MYBPH: variants seen among roughly 807,000 people sequenced by gnomAD.
MYBPH encodes myosin-binding protein H.
In MYBPH, 49 loss-of-function variants were observed where a neutral mutation model predicts 53.6. That is an observed-to-expected ratio of 0.91 (90% CI 0.73 to 1.16). The LOEUF (loss-of-function observed/expected upper bound fraction) is 1.16. Ranked by LOEUF, MYBPH falls within the 50% of genes most tolerant of loss-of-function variation. The pLI, the probability that MYBPH is intolerant of heterozygous loss-of-function variation, is 0.00. For synonymous variants in MYBPH, 239 were observed against 249.6 expected (o/e 0.96, Z 0.40); for missense variants, 558 against 624.1 (o/e 0.89, Z 1.13).
chr1:203,176,060 A>T (rs1368282274), upstream of MYBPH, among the ~76,000 whole-genome samples: 1 of 152,174 alleles, frequency 6.6e-6, no homozygotes, highest in Admixed American at 6.5e-5. Context: ...GGGAGGGCGC[A>T]GATGGGTGAG....
At chr1:203,176,048 G>T (rs184316324), upstream of MYBPH, among the ~76,000 whole-genome samples, 3 of 152,160 alleles carry the variant, frequency 2.0e-5, no homozygotes, top group Non-Finnish European at 4.4e-5. Flanking sequence ...GTGCCCAGCT[G>T]GGGGAGGGCG....
rs569892785 is a variant in MYBPH, at chr1:203,175,108, T to C, written c.340+219A>G. On this transcript the variant is annotated intron_variant, in intron 2 of 10. Coordinates refer to ENST00000255416, the MANE Select transcript of MYBPH (RefSeq NM_004997.3). ...CCCTTACTCAGAAGCTCCTTGGAGC[T>C]GAGGACAAGGGAGCCCCTCAACCCA... Among the ~76,000 whole-genome samples the C allele has an allele frequency of 4.6e-5, 7 of 151,796 alleles. No homozygotes were observed. The East Asian group carries it at 1.4e-3, about 30-fold the overall frequency.
In MYBPH at chr1:203,175,699, A is replaced by G; in HGVS notation, c.57T>C (p.Ser19=). ...GPACSPEETA[S]ESAKVPTAEP... Reference sequence around the variant, plus strand: ...CTGCTGTGGGCACCTTGGCAGATTCAGATGCGGTCTCCTCTGGACTGCAGG... The same window carrying G: ...CTGCTGTGGGCACCTTGGCAGATTCGGATGCGGTCTCCTCTGGACTGCAGG... Residue 19 remains serine (S), a synonymous_variant, in exon 1 of 11, where the codon TCT becomes TCC. Coordinates refer to ENST00000255416, the MANE Select transcript of MYBPH (RefSeq NM_004997.3). 6.2e-7 allele frequency: 1 copy of G among 1,613,992 alleles called. No individual in the cohort carries two copies. The highest frequency in any genetic ancestry group is 8.5e-7 in the Non-Finnish European group (1 of 1,179,990).
upstream of MYBPH, among the ~76,000 whole-genome samples, chr1:203,178,355 T>C (rs953834626): frequency 1.8e-4 from 27 of 152,348 alleles, no homozygotes; most frequent in African/African-American, 6.0e-4. Flanking sequence ...ACTAGGACTA[T>C]TGACAGATTT....
intron 3 of MYBPH, among the ~76,000 whole-genome samples, chr1:203,174,137 CTT>C (rs927395629): frequency 5.3e-5 from 8 of 152,208 alleles, no homozygotes; most frequent in Non-Finnish European, 1.0e-4. Context: ...CAGATGGACT[CTT>C]AGCATTGAGC....
chr1:203,175,741 G>A lies in MYBPH; in HGVS notation c.15C>T (p.Asn5=). 2 of 1,613,918 alleles carry A rather than the reference G, an allele frequency of 1.2e-6. No homozygotes were observed. The highest frequency in any genetic ancestry group is 2.2e-5 in the South Asian group (2 of 91,070). Residue 5 remains asparagine, a synonymous_variant, in exon 1 of 11, where the codon AAC becomes AAT. Coordinates refer to ENST00000255416, the MANE Select transcript of MYBPH (RefSeq NM_004997.3). ...GACTGCAGGCAGGGCCCTCGGAGGT[G>A]TTTTTTTCCATCATTGCTGGACTGG... MMEK[N]TSEGPACSPE...
At chr1:203,169,843 G>A (rs1655662595) in intron 7 of MYBPH, among the ~76,000 whole-genome samples, 1 of 152,172 alleles carries the variant, frequency 6.6e-6, no homozygotes, top group Admixed American at 6.5e-5. Context: ...GACGCAAGAA[G>A]GTCAGGTGCC....
rs201594264 is a variant in MYBPH, at chr1:203,171,049, A to G, written c.933+12T>C. On this transcript the variant is annotated intron_variant, in intron 6 of 10. Coordinates refer to ENST00000255416, the MANE Select transcript of MYBPH (RefSeq NM_004997.3). The surrounding 1 kb of genome is among the most constrained non-coding windows in gnomAD (Gnocchi z 4.2). ...TCGTACCCCGACCCCACTTTGCCTCAGCCAGCCTCACCCCTGTCTTTTTGT... is the reference window on the plus strand; with the variant it reads ...TCGTACCCCGACCCCACTTTGCCTCGGCCAGCCTCACCCCTGTCTTTTTGT... 3.9e-5 allele frequency: 62 copies of G among 1,570,314 alleles called. No homozygotes were observed. Among genetic ancestry groups the G allele is most frequent in the Middle Eastern group, 3.4e-4 (2 of 5,840 alleles).
At position 203,170,303 on chromosome 1, in the gene MYBPH, T is replaced by G. The variant is rs1377502640; in HGVS notation, c.1081A>C (p.Ile361Leu). Reference sequence around the variant, plus strand: ...GGCCCAAACCCACCTGCCTTCTGGATGTGGGCGAGCTCCTTGGTGACGGTG... The same window carrying G: ...GGCCCAAACCCACCTGCCTTCTGGAGGTGGGCGAGCTCCTTGGTGACGGTG... ...SATVTKELAH[I>L]QKADIAAKPK... The change falls in exon 7 of 11, where the codon ATC becomes CTC. Residue 361 changes from isoleucine to leucine, a missense_variant. Physicochemically the swap from Ile to Leu is conservative, Grantham distance 5. Transcript: ENST00000255416. 1.2e-6 allele frequency: 2 copies of G among 1,613,910 alleles called. No individual in the cohort carries two copies. Among genetic ancestry groups the G allele is most frequent in the East Asian group, 4.5e-5 (2 of 44,888 alleles).
At chr1:203,172,306 G>A (rs1655716496) in intron 3 of MYBPH, among the ~76,000 whole-genome samples, 1 of 152,110 alleles carries the variant, frequency 6.6e-6, no homozygotes, top group Non-Finnish European at 1.5e-5. Flanking sequence ...CACTCCCTTG[G>A]CGCCTCGACT....
intron 6 of MYBPH, 132 bp from the exon 7 acceptor site, chr1:203,170,582 C>T: frequency 2.5e-6 from 3 of 1,210,714 alleles, no homozygotes; most frequent in Non-Finnish European, 3.4e-6. Context: ...CAGCTTTGGG[C>T]CTCAGGGACA....
At chr1:203,169,122 G>A (rs1185689136) in intron 8 of MYBPH, 30 bp from the exon 9 acceptor site, 2 of 1,611,682 alleles carry the variant, frequency 1.2e-6, no homozygotes, top group Admixed American at 1.7e-5. Flanking sequence ...GAGAGCTGGG[G>A]AGGTATGGAC....
chr1:203,176,826 A>G (rs556027899), upstream of MYBPH, among the ~76,000 whole-genome samples: 61 of 152,320 alleles, frequency 4.0e-4, no homozygotes, highest in African/African-American at 1.4e-3. Flanking sequence ...AGTGCCTAGT[A>G]AAATGGATGA....
chr1:203,177,739 A>G (rs2102196032), upstream of MYBPH, among the ~76,000 whole-genome samples: 1 of 152,346 alleles, frequency 6.6e-6, no homozygotes, highest in Non-Finnish European at 1.5e-5. Flanking sequence ...GCCCCAGGGG[A>G]GGGCAGTTGG....
At chr1:203,169,227 G>T in intron 8 of MYBPH, 26 bp downstream of exon 8, 2 of 1,588,796 alleles carry the variant, frequency 1.3e-6, no homozygotes, top group East Asian at 4.5e-5. Context: ...CACCAGCCCA[G>T]GGCACAACAG....
Position 203,172,022 on chromosome 1 carries a change from A to G in MYBPH, c.527T>C (p.Val176Ala), listed in dbSNP as rs890821706. ...GTAGGTCTGACGGAGGTGGCGGGGG[A>G]CACGGATCTTGGGGGCCTCTGGATC... is the stretch of plus-strand genomic sequence containing the variant. ...RENIEAPKIR[V>A]PRHLRQTYIR... Residue 176 changes from valine (V) to alanine (A), a missense_variant, in exon 4 of 11, where the codon GTC (valine) becomes GCC (alanine). By Grantham distance (64) the Val-to-Ala change is moderately conservative. Transcript: ENST00000255416. 2 of 1,319,598 alleles carry G rather than the reference A, an allele frequency of 1.5e-6. No homozygotes were observed. The highest frequency in any genetic ancestry group is 2.0e-4 in the Middle Eastern group (1 of 4,934). 81.7% of individuals were successfully genotyped at this position (1,319,598 alleles called of 1,614,324 possible). A position where few individuals can be genotyped will look rare whatever the true frequency, so the allele number is the denominator to read the frequency against.
At position 203,171,434 on chromosome 1, in the gene MYBPH, CAGTG is replaced by C. The variant is rs778713835; in HGVS notation, c.738_741del (p.Thr247CysfsTer16). 7.0e-5 allele frequency: 113 copies of C among 1,613,906 alleles called. No individual in the cohort carries two copies. Among genetic ancestry groups the C allele is most frequent in the Non-Finnish European group, 9.1e-5 (107 of 1,180,036 alleles). On this transcript the variant is annotated frameshift_variant, in exon 5 of 11. Transcript: ENST00000255416. LOFTEE classifies it high-confidence loss of function. The surrounding 1 kb of genome is among the most constrained non-coding windows in gnomAD (Gnocchi z 4.2). Reference sequence around the variant, plus strand: ...TTGGCCTCCAGGTCTTCCACGCGCACAGTGAGCTCGTAGCGGCCAGAGTCGGAGC... The same window carrying C: ...TTGGCCTCCAGGTCTTCCACGCGCACAGCTCGTAGCGGCCAGAGTCGGAGC...
At chr1:203,168,260 G>A (rs1571818838) in intron 10 of MYBPH, among the ~76,000 whole-genome samples, 169 bp from the exon 11 acceptor site, 1 of 152,310 alleles carries the variant, frequency 6.6e-6, no homozygotes, top group Admixed American at 6.5e-5. Context: ...AGATACTTCC[G>A]TACTTATGCA....
rs1558145793 is a variant in MYBPH at position 203,175,566 on chromosome 1, CAGGCTTAGTGGCTGTGG to C, written c.173_189del (p.Ser58CysfsTer5). 1 of 1,613,954 alleles carries C rather than the reference CAGGCTTAGTGGCTGTGG, an allele frequency of 6.2e-7. No homozygotes were observed. The highest frequency in any genetic ancestry group is 1.3e-5 in the African/African-American group (1 of 75,024). On this transcript the variant is annotated frameshift_variant, in exon 1 of 11. Coordinates refer to ENST00000255416, the MANE Select transcript of MYBPH (RefSeq NM_004997.3). LOFTEE classifies it high-confidence loss of function. ...CTTCAGTCACCTTCACTTGGGGGTGCAGGCTTAGTGGCTGTGGAGGCTGTAGGGGCCTGTGGGGCAGG... is the reference window on the plus strand; with the variant it reads ...CTTCAGTCACCTTCACTTGGGGGTGCAGGCTGTAGGGGCCTGTGGGGCAGG...
Sources: allele counts gnomAD v4.1 joint callset (sites outside exome capture counted in the v4.1 genomes callset), GRCh38; gene constraint gnomAD v4.1.1; non-coding constraint Gnocchi (gnomAD v3.1); transcripts MANE v1.5; gene names NCBI Gene and HGNC (gene_info 2026-07-23, HGNC 2026-07-21).